The following YES1 variants were observed in gnomAD, a reference collection of about 807,000 sequenced individuals.
YES1 encodes the protein YES proto-oncogene 1, Src family tyrosine kinase, also known as tyrosine-protein kinase Yes.
In YES1, 39 loss-of-function variants were observed where a neutral mutation model predicts 70.4. The observed-to-expected ratio is 0.55, with a 90% CI of 0.43 to 0.72. The LOEUF is 0.72. Ranked by LOEUF, YES1 falls within the 30% of genes least tolerant of loss-of-function variation. YES1 has a pLI of 0.00. For missense variants in YES1, 495 were observed against 644.8 expected (o/e 0.77, Z 2.52); for synonymous variants, 198 against 218.6 (o/e 0.91, Z 0.83).
At chr18:764,794 G>A (rs970590381) in intron 1 of YES1, among the ~76,000 whole-genome samples, 1 of 151,616 alleles carries the variant, frequency 6.6e-6, no homozygotes, top group Non-Finnish European at 1.5e-5. Flanking sequence ...GTGCAGTGGC[G>A]CGATCTCGAC....
chr18:730,836 C>A lies in YES1; in HGVS notation c.1423+1998G>T, dbSNP rs145478539. Among the ~76,000 whole-genome samples, 99 of 152,258 alleles carry A rather than the reference C, an allele frequency of 6.5e-4. 1 individual carries two copies. In the East Asian group the frequency reaches 0.014, roughly 21 times the overall value. On this transcript the variant is annotated intron_variant, in intron 11 of 11. Transcript: ENST00000314574. ...TCATGGTTATACATTTAAAGTGACA[C>A]TATGTTGCATGGCTGTGTGGTTTTT...
In YES1 at chr18:751,783, G is replaced by C; in HGVS notation, c.293C>G (p.Ala98Gly). Reference protein sequence around the residue: ...GLTGGVTIFVALYDYEARTTE... With the variant: ...GLTGGVTIFVGLYDYEARTTE... ...AGTTCTAGCTTCATAATCATATAAG[G>C]CCACAAATATAGTAACACCACCTAT... Residue 98 changes from alanine to glycine, a missense_variant, in exon 3 of 12, where the codon GCC becomes GGC. Ala to Gly is a moderately conservative substitution (Grantham distance 60). This residue lies in a region of YES1 where 385 missense variants were observed against 540.9 expected (regional missense o/e 0.71). Coordinates refer to ENST00000314574, the MANE Select transcript of YES1 (RefSeq NM_005433.4). 1 of 1,602,114 alleles carries C rather than the reference G, an allele frequency of 6.2e-7. No individual in the cohort carries two copies. The highest frequency in any genetic ancestry group is 8.5e-7 in the Non-Finnish European group (1 of 1,170,562).
chr18:748,359 TC>T (rs1460239865), intron 3 of YES1, among the ~76,000 whole-genome samples: 12 of 25,898 alleles, frequency 4.6e-4, no homozygotes, highest in Admixed American at 1.4e-3. Flanking sequence ...AGTATTCTTT[TC>T]TTTTTTTTTT....
chr18:808,737 A>G (rs1205986823), intron 1 of YES1, among the ~76,000 whole-genome samples: 1 of 152,212 alleles, frequency 6.6e-6, no homozygotes, highest in East Asian at 1.9e-4. Flanking sequence ...CAAAGCCACA[A>G]TATCAACCAC....
chr18:769,489 C>T (rs567819509), intron 1 of YES1, among the ~76,000 whole-genome samples: 58 of 152,254 alleles, frequency 3.8e-4, no homozygotes, highest in African/African-American at 1.3e-3. Flanking sequence ...AATATCTATG[C>T]CTTGGTTCTC....
intron 2 of YES1, among the ~76,000 whole-genome samples, chr18:753,569 C>T (rs1038344216): frequency 1.3e-5 from 2 of 152,130 alleles, no homozygotes; most frequent in African/African-American, 4.8e-5. Flanking sequence ...TCACCACAAC[C>T]TCACCTCCTG....
intron 1 of YES1, among the ~76,000 whole-genome samples, chr18:760,717 T>C (rs576661616): frequency 6.6e-6 from 1 of 152,270 alleles, no homozygotes; most frequent in South Asian, 2.1e-4. Context: ...CTTCTAAAAG[T>C]ATTAGAAAAA....
chr18:744,895 A>C (rs2080261777), intron 6 of YES1, among the ~76,000 whole-genome samples: 1 of 151,910 alleles, frequency 6.6e-6, no homozygotes, highest in Non-Finnish European at 1.5e-5. Flanking sequence ...TTGACTTATG[A>C]ATTCTGCTTA....
At chr18:810,302 A>G (rs1396333489) in intron 1 of YES1, among the ~76,000 whole-genome samples, 3 of 152,180 alleles carry the variant, frequency 2.0e-5, no homozygotes, top group Non-Finnish European at 4.4e-5. Flanking sequence ...ACATACCATG[A>G]AGAAATTTTA....
In YES1 at chr18:758,189, G is replaced by A. The variant is rs539877648; in HGVS notation, c.-8-1354C>T. 2.6e-5 allele frequency among the ~76,000 whole-genome samples: 4 copies of A among 152,062 alleles called. No individual in the cohort carries two copies. The Middle Eastern group carries it at 0.01, about 388-fold the overall frequency. ...AAAACATTTATTTCAACATGTAACC[G>A]ATATAAACATTTTAATGACATTTTA... On this transcript the variant is annotated intron_variant, in intron 1 of 11. Coordinates refer to ENST00000314574, the MANE Select transcript of YES1 (RefSeq NM_005433.4).
chr18:776,830 ACACTCCCTT>A (rs1905409977), intron 1 of YES1, among the ~76,000 whole-genome samples: 1 of 152,140 alleles, frequency 6.6e-6, no homozygotes, highest in Non-Finnish European at 1.5e-5. Context: ...TCTGTCTGTA[ACACTCCCTT>A]GGATACACCT....
rs577573330 is a variant in YES1, at chr18:776,318, C to T, written c.-8-19483G>A. Among the ~76,000 whole-genome samples the T allele has an allele frequency of 1.3e-4, 20 of 152,228 alleles. 1 individual carries two copies. Among genetic ancestry groups the T allele is most frequent in the South Asian group, 1.0e-3 (5 of 4,822 alleles). ...AAGTGATTCTCGTGCCTCAGCCTCC[C>T]ATGTAGCTGGGATTACAGGCTCATG... is the stretch of plus-strand genomic sequence containing the variant. On this transcript the variant is annotated intron_variant, in intron 1 of 11. Transcript: ENST00000314574.
At chr18:725,703 C>T (rs1370214151) in intron 11 of YES1, among the ~76,000 whole-genome samples, 1 of 152,072 alleles carries the variant, frequency 6.6e-6, no homozygotes, top group Non-Finnish European at 1.5e-5. Flanking sequence ...GCCTTGCCAA[C>T]ATGGTGAAAC....
chr18:759,028 C>A (rs1904437763), intron 1 of YES1, among the ~76,000 whole-genome samples: 1 of 152,154 alleles, frequency 6.6e-6, no homozygotes, highest in African/African-American at 2.4e-5. Context: ...AAAGACTAAA[C>A]ATTTACAACC....
rs373167378 is a variant in YES1 at position 724,415 on chromosome 18, C to A, written c.*9G>T. 5.0e-6 allele frequency: 8 copies of A among 1,611,016 alleles called. No homozygotes were observed. Among genetic ancestry groups the A allele is most frequent in the Non-Finnish European group, 6.8e-6 (8 of 1,178,232 alleles). ...GGCAGATTTGTGCATATAAAATAGG[C>A]TACTTGAATTATAAATTTTCTCCTG... On this transcript the variant is annotated 3_prime_UTR_variant, in exon 12 of 12. Coordinates refer to ENST00000314574, the MANE Select transcript of YES1 (RefSeq NM_005433.4).
chr18:735,481 T>C (rs2080141674), intron 10 of YES1, among the ~76,000 whole-genome samples: 1 of 145,846 alleles, frequency 6.9e-6, no homozygotes, highest in African/African-American at 2.5e-5. Flanking sequence ...TAATGGACTT[T>C]GGGGAGTAAG....
intron 10 of YES1, 33 bp downstream of exon 10, chr18:736,775 A>C: frequency 6.2e-7 from 1 of 1,601,154 alleles, no homozygotes; most frequent in Non-Finnish European, 8.5e-7. Context: ...AACACACAAC[A>C]CATTACAAGC....
At position 763,283 on chromosome 18, in the gene YES1, C is replaced by CAGG. The variant is rs1201416430; in HGVS notation, c.-8-6449_-8-6448insCCT. 1.3e-4 allele frequency among the ~76,000 whole-genome samples: 20 copies of CAGG among 152,120 alleles called. 1 individual carries two copies. The highest frequency in any genetic ancestry group is 1.0e-3 in the South Asian group (5 of 4,814). ...CCAGAATTTTTGTTTTGAGGAATAG[C>CAGG]AGAAGATATGTGTTTTATAATAACT... On this transcript the variant is annotated intron_variant, in intron 1 of 11. Coordinates refer to ENST00000314574, the MANE Select transcript of YES1 (RefSeq NM_005433.4).
chr18:767,160 A>C (rs769623387), intron 1 of YES1, among the ~76,000 whole-genome samples: 5 of 152,168 alleles, frequency 3.3e-5, no homozygotes, highest in Non-Finnish European at 5.9e-5. Context: ...TACATTCAAA[A>C]AAAATTTTTT....
Sources: gnomAD v4.1 joint callset for allele counts (sites outside exome capture counted in the v4.1 genomes callset) on GRCh38, gnomAD v4.1.1 for gene constraint, gnomAD v4.1.1 regional missense constraint, MANE v1.5 for transcripts, NCBI Gene and HGNC (gene_info 2026-07-23, HGNC 2026-07-21) for gene names.